Variants in SNX1 observed in about 807,000 individuals in gnomAD.
SNX1 encodes the protein sorting nexin-1.
A neutral mutation model predicts 71.8 loss-of-function variants in SNX1; 36 were observed. The observed-to-expected ratio is 0.50, with a 90% CI of 0.38 to 0.66. The LOEUF is 0.66. Among genes scored for constraint, SNX1 ranks in the 30% least tolerant of loss-of-function variants. SNX1 has a pLI of 0.00. For synonymous variants in SNX1, 254 were observed against 240.7 expected, an observed-to-expected ratio of 1.06 and a Z score of -0.51; for missense variants, 612 against 646.7, an observed-to-expected ratio of 0.95 and a Z score of 0.58.
Position 64,138,160 on chromosome 15 carries a change from G to T in SNX1, c.*542G>T. 1 of 1,535,562 alleles carries T rather than the reference G, an allele frequency of 6.5e-7. No individual in the cohort carries two copies. Among genetic ancestry groups the T allele is most frequent in the Non-Finnish European group, 8.7e-7 (1 of 1,146,874 alleles). On this transcript the variant is annotated 3_prime_UTR_variant, in exon 15 of 15. Transcript: ENST00000559844. ...GCTGCTGCTTCCCTCTGGAAATGGG[G>T]TTTCTTTCTCTCCGCCTACCTCAGC...
chr15:64,123,619 T>C (rs2081217689), intron 5 of SNX1, 73 bp downstream of exon 5: 1 of 1,201,710 alleles, frequency 8.3e-7, no homozygotes, highest in Admixed American at 1.7e-5. Context: ...TCATTCAGAT[T>C]ATTTCTGGGT....
At chr15:64,123,405 A>C in intron 4 of SNX1, 98 bp from the exon 5 acceptor site, 4 of 1,008,284 alleles carry the variant, frequency 4.0e-6, no homozygotes, top group Non-Finnish European at 6.3e-6. Flanking sequence ...CTTCTTATCC[A>C]GGGTTCCTAT....
intron 1 of SNX1, among the ~76,000 whole-genome samples, chr15:64,107,033 TC>T (rs2081029694): frequency 2.0e-5 from 3 of 152,326 alleles, no homozygotes; most frequent in Admixed American, 6.5e-5. Flanking sequence ...GCTAAGTTCT[TC>T]CAGGGTAGTT....
chr15:64,096,461 C>T (rs901029277), intron 1 of SNX1, among the ~76,000 whole-genome samples: 1 of 152,182 alleles, frequency 6.6e-6, no homozygotes, highest in Non-Finnish European at 1.5e-5. Context: ...TGACACTCCA[C>T]GGATCCACGG....
At chr15:64,097,257 G>T (rs1312008539) in intron 1 of SNX1, among the ~76,000 whole-genome samples, 1 of 152,246 alleles carries the variant, frequency 6.6e-6, no homozygotes, top group African/African-American at 2.4e-5. Context: ...GGGTTGCAGG[G>T]ATAGTAGCCT....
At chr15:64,101,299 C>G (rs2080959203) in intron 1 of SNX1, among the ~76,000 whole-genome samples, 1 of 152,158 alleles carries the variant, frequency 6.6e-6, no homozygotes, top group Admixed American at 6.6e-5. Context: ...TAATCAATCA[C>G]CATTCTAACT....
At chr15:64,137,423 A>C (rs2081370269) in intron 14 of SNX1, 145 bp from the exon 15 acceptor site, 2 of 758,858 alleles carry the variant, frequency 2.6e-6, no homozygotes, top group African/African-American at 3.5e-5. Context: ...TGTGAAGGTC[A>C]TGTGGCCTGT....
intron 2 of SNX1, among the ~76,000 whole-genome samples, chr15:64,117,747 G>A (rs569846720): frequency 3.3e-5 from 5 of 152,074 alleles, no homozygotes; most frequent in African/African-American, 7.2e-5. Context: ...AGCCCAGATC[G>A]TGCCACTGCA....
rs1250488590 is a variant in SNX1 at position 64,140,621 on chromosome 15, T to G, written c.*3003T>G. ...TTTTTGAGACAGAGTCTCGCTCTTG[T>G]CGCCCAGGCTGGATTGCAATGGCAC... On this transcript the variant is annotated 3_prime_UTR_variant, in exon 15 of 15. Transcript: ENST00000559844. 6.6e-6 allele frequency: 1 copy of G among 152,210 alleles called. No homozygotes were observed. The highest frequency in any genetic ancestry group is 2.4e-5 in the African/African-American group (1 of 41,448). The allele number at this position is 152,210 out of a possible 1,614,324, so 9.4% of individuals were successfully genotyped here.
At chr15:64,115,920 C>T (rs189130326) in intron 2 of SNX1, among the ~76,000 whole-genome samples, 59 of 152,290 alleles carry the variant, frequency 3.9e-4, no homozygotes, top group Middle Eastern at 6.8e-3. Context: ...GAATATCCTA[C>T]GCATACTTCA....
In SNX1 at chr15:64,126,182, G is replaced by C; in HGVS notation, c.614G>C (p.Gly205Ala). Residue 205 changes from glycine (G) to alanine (A), a missense_variant, in exon 6 of 15, where the codon GGC (glycine) becomes GCC (alanine). Around this residue, in one of 2 missense-constraint regions of SNX1, gnomAD observed 316 missense variants for 284.9 expected, o/e 1.11. Transcript: ENST00000559844. ...EKLSEKHSQN[G>A]FIVPPPPEKS... Reference sequence around the variant, plus strand: ...CTTTCCGAGAAGCACTCTCAGAATGGCTTCATTGTCCCTCCGCCCCCGGAG... The same window carrying C: ...CTTTCCGAGAAGCACTCTCAGAATGCCTTCATTGTCCCTCCGCCCCCGGAG... The C allele has an allele frequency of 6.2e-7, 1 of 1,614,116 alleles. No homozygotes were observed. Among genetic ancestry groups the C allele is most frequent in the South Asian group, 1.1e-5 (1 of 91,076 alleles).
At chr15:64,128,158 C>T (rs2081272524) in intron 8 of SNX1, among the ~76,000 whole-genome samples, 1 of 152,188 alleles carries the variant, frequency 6.6e-6, no homozygotes, top group Non-Finnish European at 1.5e-5. Flanking sequence ...TACCACAAAC[C>T]ACAGAACTAC....
At chr15:64,126,348 T>G in intron 6 of SNX1, 128 bp downstream of exon 6, 1 of 1,086,824 alleles carries the variant, frequency 9.2e-7, no homozygotes. Flanking sequence ...ACATTTCCAG[T>G]GTTTTCCTAC....
At position 64,140,986 on chromosome 15, in the gene SNX1, T is replaced by TAGATAGATAGAC. The variant is rs1293421770; in HGVS notation, c.*3379_*3380insCAGATAGATAGA. ...CTCACCATACAGTGCAAAGAGATGA[T>TAGATAGATAGAC]AGATAGATAGATAGATAGATAGATA... On this transcript the variant is annotated 3_prime_UTR_variant, in exon 15 of 15. Coordinates refer to ENST00000559844, the MANE Select transcript of SNX1 (RefSeq NM_003099.5). 1 of 135,998 alleles carries TAGATAGATAGAC rather than the reference T, an allele frequency of 7.4e-6. No individual in the cohort carries two copies. Among genetic ancestry groups the TAGATAGATAGAC allele is most frequent in the Admixed American group, 7.1e-5 (1 of 14,064 alleles). The allele number at this position is 135,998 out of a possible 1,614,324, so 8.4% of individuals were successfully genotyped here.
Position 64,141,376 on chromosome 15 carries a change from A to G in SNX1, c.*3758A>G, listed in dbSNP as rs2081412999. The G allele has an allele frequency of 6.6e-6, 1 of 152,222 alleles. No homozygotes were observed. The highest frequency in any genetic ancestry group is 1.5e-5 in the Non-Finnish European group (1 of 68,054). 9.4% of individuals were successfully genotyped at this position (152,222 alleles called of 1,614,324 possible). On this transcript the variant is annotated 3_prime_UTR_variant, in exon 15 of 15. Transcript: ENST00000559844. This position sits in a 1 kb window ranked among gnomAD's most constrained non-coding sequence, Gnocchi z 5.1. ...CTTTAGGGCTTGTGCATTTTTGTAA[A>G]GAGCTTGCACGTGTGGAAATCAAGT...
At chr15:64,107,903 T>A (rs1384307307) in intron 1 of SNX1, among the ~76,000 whole-genome samples, 1 of 152,148 alleles carries the variant, frequency 6.6e-6, no homozygotes, top group Non-Finnish European at 1.5e-5. Context: ...TTTAAAAATA[T>A]GGGTTATTGG....
rs2081409728 is a variant in SNX1 at position 64,141,037 on chromosome 15, G to GATGATAGAT, written c.*3421_*3422insGATAGATAT. 5 of 131,552 alleles carry GATGATAGAT rather than the reference G, an allele frequency of 3.8e-5. No homozygotes were observed. Among genetic ancestry groups the GATGATAGAT allele is most frequent in the African/African-American group, 1.4e-4 (4 of 29,020 alleles). 8.1% of individuals were successfully genotyped at this position (131,552 alleles called of 1,614,324 possible). A position where few individuals can be genotyped will look rare whatever the true frequency, so the allele number is the denominator to read the frequency against. ...GATAGATAGATAGATGATAGATATA[G>GATGATAGAT]ATAGATAGATAGATTGATTGATTTG... On this transcript the variant is annotated 3_prime_UTR_variant, in exon 15 of 15. Transcript: ENST00000559844. This position sits in a 1 kb window ranked among gnomAD's most constrained non-coding sequence, Gnocchi z 5.1.
In SNX1 at chr15:64,112,590, A is replaced by G; in HGVS notation, c.177A>G (p.Pro59=). 1 of 1,610,350 alleles carries G rather than the reference A, an allele frequency of 6.2e-7. No homozygotes were observed. Among genetic ancestry groups the G allele is most frequent in the Non-Finnish European group, 8.5e-7 (1 of 1,177,382 alleles). Residue 59 remains proline (P), a synonymous_variant, in exon 2 of 15, where the codon CCA becomes CCG. Coordinates refer to ENST00000559844, the MANE Select transcript of SNX1 (RefSeq NM_003099.5). ...GAAVVSKHQS[P]KITTSLLPIN... ...GTTTTCAGAGTAAACATCAGTCTCC[A>G]AAGATAACTACATCCCTTCTTCCCA...
intron 2 of SNX1, chr15:64,115,785 C>A (rs941034237): frequency 1.2e-5 from 2 of 167,712 alleles, no homozygotes; most frequent in South Asian, 1.1e-4. Flanking sequence ...TGTCATGTTG[C>A]CCAAGCTGGC....
Sources: allele counts gnomAD v4.1 joint callset (sites outside exome capture counted in the v4.1 genomes callset), GRCh38; gene constraint gnomAD v4.1.1; regional missense constraint gnomAD v4.1.1; non-coding constraint Gnocchi (gnomAD v3.1); transcripts MANE v1.5; gene names NCBI Gene and HGNC (gene_info 2026-07-23, HGNC 2026-07-21).